PDE1C: variants seen among roughly 807,000 people sequenced by gnomAD.
PDE1C encodes phosphodiesterase 1C.
A neutral mutation model predicts 93.1 loss-of-function variants in PDE1C; 62 were observed. The ratio of observed to expected loss-of-function variants is 0.67; its 90% confidence interval spans 0.54 to 0.82. The LOEUF is 0.82. Among genes scored for constraint, PDE1C ranks in the 40% least tolerant of loss-of-function variants. The pLI is 0.00. For synonymous variants in PDE1C, 325 were observed against 310.1 expected (o/e 1.05, Z -0.50); for missense variants, 742 against 884.6 (o/e 0.84, Z 2.04).
At chr7:31,894,663 AC>A (rs1460535883) in intron 2 of PDE1C, among the ~76,000 whole-genome samples, 1 of 152,102 alleles carries the variant, frequency 6.6e-6, no homozygotes, top group African/African-American at 2.4e-5. Context: ...AAAAGCTAAA[AC>A]CTGTGGCCTG....
the PDE1C span, among the ~76,000 whole-genome samples, chr7:31,640,801 A>G: frequency 6.6e-6 from 1 of 152,196 alleles, no homozygotes; most frequent in African/African-American, 2.4e-5. Flanking sequence ...CTGTGTAACA[A>G]GAGGCAATGG....
rs541784557 is a variant in PDE1C at position 32,183,792 on chromosome 7, T to G, written c.137-13836A>C. 3.0e-3 allele frequency among the ~76,000 whole-genome samples: 459 copies of G among 152,036 alleles called. 3 individuals carry two copies. The highest frequency in any genetic ancestry group is 0.011 in the African/African-American group (444 of 41,454). On this transcript the variant is annotated intron_variant, in intron 2 of 18. Transcript: ENST00000396193. ...AAAGCAAGGGCAACAAAAGACAAAA[T>G]TGACAAATAGGATCTAATTAAACTA...
chr7:32,000,150 T>A (rs1366124555), intron 2 of PDE1C, among the ~76,000 whole-genome samples: 3 of 152,194 alleles, frequency 2.0e-5, no homozygotes, highest in Admixed American at 6.5e-5. Flanking sequence ...ATAACTAGAC[T>A]GTACTAATGT....
At chr7:32,151,347 C>T (rs1437953577) in intron 3 of PDE1C, among the ~76,000 whole-genome samples, 1 of 152,190 alleles carries the variant, frequency 6.6e-6, no homozygotes, top group Non-Finnish European at 1.5e-5. Context: ...AACTAATTTC[C>T]TAGCCTTTAT....
At chr7:32,097,719 G>T (rs1256685749) in intron 3 of PDE1C, among the ~76,000 whole-genome samples, 1 of 152,158 alleles carries the variant, frequency 6.6e-6, no homozygotes, top group Non-Finnish European at 1.5e-5. Flanking sequence ...GCTAGCCTCA[G>T]CCAACACTGA....
chr7:32,105,978 T>C (rs1584771505), intron 3 of PDE1C, among the ~76,000 whole-genome samples: 3 of 152,158 alleles, frequency 2.0e-5, no homozygotes, highest in African/African-American at 7.2e-5. Context: ...TATCCATGTA[T>C]ACAGCTTACA....
At chr7:32,050,470 T>C (rs1456550965) in intron 2 of PDE1C, among the ~76,000 whole-genome samples, 1 of 152,080 alleles carries the variant, frequency 6.6e-6, no homozygotes, top group Non-Finnish European at 1.5e-5. Context: ...AACAAATCAT[T>C]GTAAAAAACA....
At chr7:31,640,720 A>G in the PDE1C span, among the ~76,000 whole-genome samples, 5 of 151,886 alleles carry the variant, frequency 3.3e-5, no homozygotes, top group East Asian at 9.7e-4. Context: ...CCCTATTACT[A>G]CAGCTTTCCA....
intron 2 of PDE1C, among the ~76,000 whole-genome samples, chr7:32,023,407 C>T (rs1287380928): frequency 1.3e-5 from 2 of 152,028 alleles, no homozygotes; most frequent in Admixed American, 1.3e-4. Context: ...TTTTTTCATA[C>T]TTAAGCGCAA....
chr7:32,388,890 T>A (rs1784692392), intron 1 of PDE1C, among the ~76,000 whole-genome samples: 1 of 151,986 alleles, frequency 6.6e-6, no homozygotes, highest in Admixed American at 6.6e-5. Flanking sequence ...GAATTTGGAG[T>A]TGGAATTTAT....
intron 2 of PDE1C, among the ~76,000 whole-genome samples, chr7:31,912,114 C>G (rs982435000): frequency 6.6e-6 from 1 of 151,986 alleles, no homozygotes; most frequent in Non-Finnish European, 1.5e-5. Flanking sequence ...TGTTAACAGA[C>G]CAAATTATAT....
chr7:31,845,008 G>T (rs1447904384), intron 9 of PDE1C, among the ~76,000 whole-genome samples: 1 of 151,848 alleles, frequency 6.6e-6, no homozygotes, highest in Non-Finnish European at 1.5e-5. Context: ...TTTAATTTAT[G>T]TTTTCATTTT....
chr7:32,002,499 CCA>C (rs1405386742), intron 2 of PDE1C, among the ~76,000 whole-genome samples: 3 of 152,232 alleles, frequency 2.0e-5, no homozygotes, highest in South Asian at 2.1e-4. Flanking sequence ...TACCTGTGAT[CCA>C]CAGAGTCCAC....
chr7:31,748,932 G>C (rs1050284318), downstream of PDE1C, among the ~76,000 whole-genome samples: 3 of 152,190 alleles, frequency 2.0e-5, no homozygotes, highest in Admixed American at 6.5e-5. Context: ...TGCAGCCAAT[G>C]GGAAAACAAA....
chr7:32,381,895 A>G (rs1275138547), intron 1 of PDE1C, among the ~76,000 whole-genome samples: 1 of 152,206 alleles, frequency 6.6e-6, no homozygotes, highest in African/African-American at 2.4e-5. Flanking sequence ...ACATTCCCAG[A>G]GCCTAAAACA....
intron 17 of PDE1C, among the ~76,000 whole-genome samples, chr7:31,764,509 G>A (rs1002225669): frequency 6.6e-6 from 1 of 152,182 alleles, no homozygotes; most frequent in Admixed American, 6.5e-5. Context: ...CCAGTGGGAA[G>A]TATGCCTTAG....
the PDE1C span, among the ~76,000 whole-genome samples, chr7:31,631,285 C>A: frequency 2.6e-5 from 4 of 152,116 alleles, no homozygotes; most frequent in South Asian, 8.3e-4. Flanking sequence ...AACACATATG[C>A]GTGCGTGCAC....
chr7:32,100,285 A>T (rs907832854), intron 3 of PDE1C, among the ~76,000 whole-genome samples: 5 of 152,254 alleles, frequency 3.3e-5, no homozygotes, highest in African/African-American at 1.2e-4. Flanking sequence ...TGTAAAAATA[A>T]GTGGAATAAA....
intron 1 of PDE1C, among the ~76,000 whole-genome samples, chr7:32,220,525 C>A (rs931281412): frequency 6.6e-6 from 1 of 152,182 alleles, no homozygotes; most frequent in Non-Finnish European, 1.5e-5. Flanking sequence ...ATTAAGAACC[C>A]TCTGGTCCAG....
Sources: gnomAD v4.1 joint callset for allele counts (sites outside exome capture counted in the v4.1 genomes callset) on GRCh38, gnomAD v4.1.1 for gene constraint, MANE v1.5 for transcripts, NCBI Gene and HGNC (gene_info 2026-07-23, HGNC 2026-07-21) for gene names.